The following ZNF430 variants were observed in gnomAD, a reference collection of about 807,000 sequenced individuals.
ZNF430 encodes zinc finger protein 430.
A neutral mutation model predicts 56.7 loss-of-function variants in ZNF430; 35 were observed. That is an observed-to-expected ratio of 0.62 (90% CI 0.47 to 0.82). ZNF430 has a LOEUF of 0.82. Ranked by LOEUF, ZNF430 falls within the 40% of genes least tolerant of loss-of-function variation. ZNF430 has a pLI of 0.00. For synonymous variants in ZNF430, 212 were observed against 224.3 expected (o/e 0.94, Z 0.49); for missense variants, 574 against 661.0 (o/e 0.87, Z 1.44).
chr19:21,050,185 C>G (rs985269925), intron 4 of ZNF430, among the ~76,000 whole-genome samples: 2 of 54,800 alleles, frequency 3.6e-5, no homozygotes, highest in Non-Finnish European at 1.3e-4. Context: ...TGCCCAGCCC[C>G]CCTATATTCT....
chr19:21,037,258 G>A (rs1968018610), intron 4 of ZNF430, among the ~76,000 whole-genome samples: 1 of 151,988 alleles, frequency 6.6e-6, no homozygotes. Flanking sequence ...GGGACTACAG[G>A]CATGTGCCAC....
In ZNF430 at chr19:21,057,780, G is replaced by A. The variant is rs1421409845; in HGVS notation, c.1472G>A (p.Gly491Asp). 2 of 1,613,816 alleles carry A rather than the reference G, an allele frequency of 1.2e-6. No homozygotes were observed. The highest frequency in any genetic ancestry group is 1.7e-6 in the Non-Finnish European group (2 of 1,179,994). ...GEKPYKCEECGKAFNQFSNLT... is the reference protein window; with the variant it reads ...GEKPYKCEECDKAFNQFSNLT... The stretch of plus-strand genomic sequence containing the variant: ...AAACCCTACAAATGTGAAGAATGTG[G>A]CAAAGCTTTTAACCAATTCTCAAAC... Residue 491 changes from glycine to aspartate, a missense_variant, in exon 5 of 5, where the codon GGC becomes GAC. Coordinates refer to ENST00000261560, the MANE Select transcript of ZNF430 (RefSeq NM_025189.4).
intron 4 of ZNF430, among the ~76,000 whole-genome samples, chr19:21,039,813 A>G (rs1968071639): frequency 1.3e-5 from 2 of 152,154 alleles, no homozygotes; most frequent in Middle Eastern, 3.4e-3. Flanking sequence ...GTCAGAAAAC[A>G]CACAGTGTAT....
At chr19:21,025,073 G>A (rs974985588) in intron 2 of ZNF430, among the ~76,000 whole-genome samples, 2 of 152,092 alleles carry the variant, frequency 1.3e-5, no homozygotes, top group African/African-American at 4.8e-5. Flanking sequence ...CTTGGATTTC[G>A]CTCAAGAAAG....
At chr19:21,032,853 G>A (rs935624770) in intron 2 of ZNF430, among the ~76,000 whole-genome samples, 20 of 152,056 alleles carry the variant, frequency 1.3e-4, no homozygotes, top group African/African-American at 3.4e-4. Flanking sequence ...AGGTACCTTC[G>A]AACTCAACAT....
chr19:21,033,624 G>C (rs76746082), intron 3 of ZNF430, 42 bp downstream of exon 3: 2 of 1,512,456 alleles, frequency 1.3e-6, no homozygotes, highest in Non-Finnish European at 1.8e-6. Flanking sequence ...ATACCCTAAA[G>C]GTTTCATTTC....
chr19:21,056,100 C>T (rs1475087607), intron 4 of ZNF430, among the ~76,000 whole-genome samples: 1 of 152,162 alleles, frequency 6.6e-6, no homozygotes, highest in East Asian at 1.9e-4. Flanking sequence ...TCAGCTGGGG[C>T]ACTTCACACA....
At chr19:21,038,813 T>G (rs899479978) in intron 4 of ZNF430, among the ~76,000 whole-genome samples, 2 of 152,218 alleles carry the variant, frequency 1.3e-5, no homozygotes, top group African/African-American at 4.8e-5. Context: ...AATTTAAAAA[T>G]TTTAAACAAT....
At chr19:21,027,107 C>T (rs1204265946) in intron 2 of ZNF430, among the ~76,000 whole-genome samples, 1 of 152,012 alleles carries the variant, frequency 6.6e-6, no homozygotes, top group Admixed American at 6.6e-5. Flanking sequence ...GGATTACAGG[C>T]GTGAGCCCCC....
At chr19:21,031,136 G>A (rs915302058) in intron 2 of ZNF430, among the ~76,000 whole-genome samples, 1 of 152,000 alleles carries the variant, frequency 6.6e-6, no homozygotes, top group Non-Finnish European at 1.5e-5. Flanking sequence ...CATGTGCCTC[G>A]GCCTCCTAAA....
intron 4 of ZNF430, among the ~76,000 whole-genome samples, chr19:21,055,493 G>T (rs1968358907): frequency 6.6e-6 from 1 of 151,586 alleles, no homozygotes; most frequent in South Asian, 2.1e-4. Flanking sequence ...CTGTCTCCCA[G>T]ACTGGAGTGC....
intron 4 of ZNF430, among the ~76,000 whole-genome samples, chr19:21,038,444 T>G (rs967275801): frequency 2.0e-5 from 3 of 152,152 alleles, no homozygotes; most frequent in African/African-American, 4.8e-5. Flanking sequence ...ATTATTATTT[T>G]TGAGATGGAG....
At chr19:21,049,733 C>CGTGTAACATTTCTTGTTACATTTT (rs751365639) in intron 4 of ZNF430, among the ~76,000 whole-genome samples, 3 of 151,760 alleles carry the variant, frequency 2.0e-5, no homozygotes, top group South Asian at 2.1e-4. Context: ...TGTTACATTT[C>CGTGTAACATTTCTTGTTACATTTT]GTGTAACATT....
intron 2 of ZNF430, among the ~76,000 whole-genome samples, chr19:21,032,767 C>T (rs1256747863): frequency 6.6e-6 from 1 of 152,004 alleles, no homozygotes; most frequent in Admixed American, 6.6e-5. Flanking sequence ...GAAGTTCAGA[C>T]TTTACTCCAG....
At chr19:21,044,275 A>G (rs1968152851) in intron 4 of ZNF430, among the ~76,000 whole-genome samples, 2 of 152,126 alleles carry the variant, frequency 1.3e-5, no homozygotes, top group African/African-American at 4.8e-5. Flanking sequence ...TAGTTTATTG[A>G]GCATTTTTAA....
At chr19:21,025,600 T>TC (rs1394404473) in intron 2 of ZNF430, among the ~76,000 whole-genome samples, 1 of 152,024 alleles carries the variant, frequency 6.6e-6, no homozygotes, top group African/African-American at 2.4e-5. Context: ...CTTTTTTTTT[T>TC]ATCTGAGACG....
chr19:21,023,737 G>A (rs113021555), intron 2 of ZNF430, among the ~76,000 whole-genome samples: 2,314 of 151,992 alleles, frequency 0.015, 66 homozygotes, highest in African/African-American at 0.054. Context: ...CTCTCTGCAG[G>A]GTAAATTTGT....
At position 21,022,843 on chromosome 19, in the gene ZNF430, G is replaced by T. The variant is rs1568582020; in HGVS notation, c.58G>T (p.Ala20Ser). 6.2e-7 allele frequency: 1 copy of T among 1,613,972 alleles called. No individual in the cohort carries two copies. Among genetic ancestry groups the T allele is most frequent in the Non-Finnish European group, 8.5e-7 (1 of 1,179,882 alleles). The change falls in exon 2 of 5, where the codon GCT becomes TCT. Residue 20 changes from alanine (A) to serine (S), a missense_variant. This residue lies in a region of ZNF430 where 346 missense variants were observed against 399.1 expected (regional missense o/e 0.87). Coordinates refer to ENST00000261560, the MANE Select transcript of ZNF430 (RefSeq NM_025189.4). ...PLKEASGCPG[A>S]DRNLLVYSFY... ...CAAGGAAGCAAGTGGATGCCCTGGG[G>T]CTGACAGGAATCTTCTGGTGTACTC... is the stretch of plus-strand genomic sequence containing the variant.
intron 2 of ZNF430, among the ~76,000 whole-genome samples, chr19:21,029,981 G>A (rs1416014352): frequency 6.6e-6 from 1 of 151,876 alleles, no homozygotes; most frequent in East Asian, 1.9e-4. Context: ...AAAGACTGGA[G>A]TTTTGTCTGG....
Sources: gnomAD v4.1 joint callset for allele counts (sites outside exome capture counted in the v4.1 genomes callset) on GRCh38, gnomAD v4.1.1 for gene constraint, gnomAD v4.1.1 regional missense constraint, MANE v1.5 for transcripts, NCBI Gene and HGNC (gene_info 2026-07-23, HGNC 2026-07-21) for gene names.